The following GRIN3A variants were observed in gnomAD, a reference collection of about 807,000 sequenced individuals.
GRIN3A encodes glutamate receptor ionotropic, NMDA 3A.
GRIN3A carries 47 observed loss-of-function variants against 92.4 expected under a neutral mutation model. The ratio of observed to expected loss-of-function variants is 0.51; its 90% confidence interval spans 0.40 to 0.65. GRIN3A has a LOEUF of 0.65. Among genes scored for constraint, GRIN3A ranks in the 30% least tolerant of loss-of-function variants. The pLI is 0.00. For synonymous variants in GRIN3A, 527 were observed against 540.6 expected, an observed-to-expected ratio of 0.97 and a Z score of 0.35; for missense variants, 1,324 against 1,393.1, an observed-to-expected ratio of 0.95 and a Z score of 0.79.
chr9:101,576,094 A>G (rs529903338), intron 8 of GRIN3A, among the ~76,000 whole-genome samples: 1 of 152,284 alleles, frequency 6.6e-6, no homozygotes, highest in Non-Finnish European at 1.5e-5. Flanking sequence ...AAAATAACCC[A>G]AGGCTGGTGT....
At chr9:101,675,610 T>C (rs185887310) in intron 2 of GRIN3A, among the ~76,000 whole-genome samples, 1 of 151,580 alleles carries the variant, frequency 6.6e-6, no homozygotes, top group Non-Finnish European at 1.5e-5. Flanking sequence ...AGAATACATA[T>C]GATAAATAGG....
intron 5 of GRIN3A, among the ~76,000 whole-genome samples, chr9:101,614,874 C>T (rs1828421512): frequency 6.6e-6 from 1 of 151,770 alleles, no homozygotes; most frequent in Non-Finnish European, 1.5e-5. Context: ...TCACCTCAGC[C>T]TCTCAAAGTG....
chr9:101,621,390 C>T (rs1444663629), intron 5 of GRIN3A, among the ~76,000 whole-genome samples: 2 of 151,864 alleles, frequency 1.3e-5, no homozygotes, highest in Non-Finnish European at 2.9e-5. Context: ...TATACGTATC[C>T]TTTTGTATTT....
In GRIN3A at chr9:101,579,261, A is replaced by G. The variant is rs141253502; in HGVS notation, c.2866T>C (p.Tyr956His). ...TTGATTCGTGGTAGCAGCAGCCTGT[A>G]TACTATGTGCTCACCAATGGTGGTC... The part of the protein sequence containing the change: ...ILTTIGEHIV[Y>H]RLLLPRIKNK... Residue 956 changes from tyrosine (Y) to histidine (H), a missense_variant, in exon 7 of 9, where the codon TAC becomes CAC. By Grantham distance (83) the Tyr-to-His change is moderately conservative. Transcript: ENST00000361820. The G allele has an allele frequency of 3.7e-4, 593 of 1,613,892 alleles. No individual in the cohort carries two copies. The highest frequency in any genetic ancestry group is 4.7e-4 in the Non-Finnish European group (558 of 1,179,926).
At chr9:101,610,143 A>G (rs567197824) in intron 6 of GRIN3A, among the ~76,000 whole-genome samples, 3 of 152,352 alleles carry the variant, frequency 2.0e-5, no homozygotes, top group African/African-American at 4.8e-5. Context: ...AATTAACTCA[A>G]TTGACTGGTA....
At position 101,572,187 on chromosome 9, in the gene GRIN3A, A is replaced by G. The variant is rs926558297; in HGVS notation, c.*987T>C. Reference sequence around the variant, plus strand: ...CCGGGCTGGAGGTTTTGGGATTTCTATGCTAAGCGATGGGTGACTGCTGAT... The same window carrying G: ...CCGGGCTGGAGGTTTTGGGATTTCTGTGCTAAGCGATGGGTGACTGCTGAT... On this transcript the variant is annotated 3_prime_UTR_variant, in exon 9 of 9. Coordinates refer to ENST00000361820, the MANE Select transcript of GRIN3A (RefSeq NM_133445.3). 13 of 152,874 alleles carry G rather than the reference A, an allele frequency of 8.5e-5. No individual in the cohort carries two copies. The highest frequency in any genetic ancestry group is 7.9e-4 in the Admixed American group (12 of 15,274). The allele number at this position is 152,874 out of a possible 1,614,324, so 9.5% of individuals were successfully genotyped here. A position where few individuals can be genotyped will look rare whatever the true frequency, so the allele number is the denominator to read the frequency against.
intron 2 of GRIN3A, among the ~76,000 whole-genome samples, chr9:101,678,349 GA>G (rs1412748391): frequency 2.6e-5 from 4 of 152,222 alleles, no homozygotes; most frequent in East Asian, 3.9e-4. Context: ...ATAAAAAATT[GA>G]AGTTAGTTCA....
At chr9:101,579,064 A>G in intron 7 of GRIN3A, 132 bp downstream of exon 7, 3 of 880,030 alleles carry the variant, frequency 3.4e-6, no homozygotes, top group Non-Finnish European at 5.6e-6. Flanking sequence ...CTTCTGCTCT[A>G]ATGAGAGTGC....
chr9:101,610,185 C>T (rs1828341792), intron 6 of GRIN3A, among the ~76,000 whole-genome samples: 1 of 152,192 alleles, frequency 6.6e-6, no homozygotes, highest in African/African-American at 2.4e-5. Context: ...TAGGAAAAGA[C>T]ACGCAAATCT....
At chr9:101,708,034 A>G (rs1025287139) in intron 1 of GRIN3A, among the ~76,000 whole-genome samples, 1 of 152,182 alleles carries the variant, frequency 6.6e-6, no homozygotes, top group African/African-American at 2.4e-5. Flanking sequence ...GTGGGGGGTA[A>G]GGGCCAGTCT....
rs1468542050 is a variant in GRIN3A, at chr9:101,738,582, C to T, written c.-603G>A. 1 of 153,920 alleles carries T rather than the reference C, an allele frequency of 6.5e-6. No homozygotes were observed. Among genetic ancestry groups the T allele is most frequent in the Non-Finnish European group, 1.4e-5 (1 of 69,420 alleles). 9.5% of individuals were successfully genotyped at this position (153,920 alleles called of 1,614,324 possible). A position where few individuals can be genotyped will look rare whatever the true frequency, so the allele number is the denominator to read the frequency against. On this transcript the variant is annotated 5_prime_UTR_variant, in exon 1 of 9. Coordinates refer to ENST00000361820, the MANE Select transcript of GRIN3A (RefSeq NM_133445.3). The stretch of plus-strand genomic sequence containing the variant: ...TCTTCTCTCGCTACTTCCTCTCTGC[C>T]TTTCTTTCGTTATTTTTCCACCGAG...
intron 1 of GRIN3A, among the ~76,000 whole-genome samples, chr9:101,707,826 C>T (rs1412412792): frequency 6.6e-6 from 1 of 152,078 alleles, no homozygotes; most frequent in African/African-American, 2.4e-5. Flanking sequence ...CAGAATTGTC[C>T]TGGGAAAGGC....
chr9:101,712,654 C>G (rs1829893671), intron 1 of GRIN3A, among the ~76,000 whole-genome samples: 1 of 152,100 alleles, frequency 6.6e-6, no homozygotes, highest in African/African-American at 2.4e-5. Context: ...AAATAAGACA[C>G]AAAAATATGA....
intron 1 of GRIN3A, among the ~76,000 whole-genome samples, chr9:101,725,129 T>C (rs561793078): frequency 6.6e-6 from 1 of 152,312 alleles, no homozygotes; most frequent in South Asian, 2.1e-4. Context: ...TATTAAGGTG[T>C]GTATTTCACC....
At chr9:101,596,591 T>C (rs909326832) in intron 6 of GRIN3A, among the ~76,000 whole-genome samples, 36 of 152,296 alleles carry the variant, frequency 2.4e-4, no homozygotes, top group African/African-American at 8.4e-4. Flanking sequence ...GGTGCAGTTC[T>C]GAAAAAATCA....
intron 1 of GRIN3A, among the ~76,000 whole-genome samples, chr9:101,700,184 CAGA>C (rs1345266831): frequency 1.3e-5 from 2 of 152,026 alleles, no homozygotes; most frequent in African/African-American, 4.8e-5. Flanking sequence ...TAACAGTGTC[CAGA>C]AAATGACAGA....
At chr9:101,701,600 CA>C (rs1269177323) in intron 1 of GRIN3A, among the ~76,000 whole-genome samples, 3 of 152,008 alleles carry the variant, frequency 2.0e-5, no homozygotes, top group Non-Finnish European at 2.9e-5. Flanking sequence ...AACAAACAGA[CA>C]AAAAACCTTG....
At chr9:101,691,306 T>C (rs1829615432) in intron 1 of GRIN3A, among the ~76,000 whole-genome samples, 1 of 152,156 alleles carries the variant, frequency 6.6e-6, no homozygotes, top group South Asian at 2.1e-4. Flanking sequence ...TGTAACTAAC[T>C]ATATGAATAA....
rs1337701 is a variant in GRIN3A, at chr9:101,685,910, A to G, written c.1304+686T>C. Among the ~76,000 whole-genome samples, 3,573 of 152,096 alleles carry G rather than the reference A, an allele frequency of 0.023. 238 individuals carry two copies. In the East Asian group the frequency reaches 0.27, roughly 12 times the overall value. ...TTATATCCATTTTACATAAATGAATATAGAACAAAGGAAATTAAGGCTCAG... is the reference window on the plus strand; with the variant it reads ...TTATATCCATTTTACATAAATGAATGTAGAACAAAGGAAATTAAGGCTCAG... On this transcript the variant is annotated intron_variant, in intron 2 of 8. Transcript: ENST00000361820.
Sources: gnomAD v4.1 joint callset for allele counts (sites outside exome capture counted in the v4.1 genomes callset) on GRCh38, gnomAD v4.1.1 for gene constraint, MANE v1.5 for transcripts, NCBI Gene and HGNC (gene_info 2026-07-23, HGNC 2026-07-21) for gene names.